ANK2: variants seen among roughly 807,000 people sequenced by gnomAD.
The protein encoded by ANK2 is ankyrin 2.
A neutral mutation model predicts 360.5 loss-of-function variants in ANK2; 83 were observed. The observed-to-expected ratio is 0.23, with a 90% CI of 0.19 to 0.28. ANK2 has a LOEUF of 0.28. Among genes scored for constraint, ANK2 ranks in the 10% least tolerant of loss-of-function variants. The pLI is 1.00. For synonymous variants in ANK2, 1,740 were observed against 1,759.5 expected (o/e 0.99, Z 0.28); for missense variants, 4,201 against 4,795.7 (o/e 0.88, Z 3.66).
the ANK2 span, among the ~76,000 whole-genome samples, chr4:112,758,776 C>T: frequency 6.6e-6 from 1 of 152,124 alleles, no homozygotes; most frequent in African/African-American, 2.4e-5. Flanking sequence ...AACGACGCCA[C>T]GGATTTGCCC....
chr4:112,730,074 T>G, the ANK2 span, among the ~76,000 whole-genome samples: 4 of 151,702 alleles, frequency 2.6e-5, no homozygotes, highest in Non-Finnish European at 4.4e-5. Flanking sequence ...GCCAATATGG[T>G]GAAACCCTGT....
intron 23 of ANK2, among the ~76,000 whole-genome samples, chr4:113,309,165 G>A (rs759389837): frequency 6.6e-6 from 1 of 152,110 alleles, no homozygotes; most frequent in African/African-American, 2.4e-5. Context: ...AACTGTCTTC[G>A]AGAGAAATTT....
chr4:113,320,955 CT>C lies in ANK2; in HGVS notation c.2900+2336del, dbSNP rs544944981. ...ATTGTGCCAGGTACTAAGAAAAAAG[CT>C]AAGTAACATCTAGCCTCTGCCTTTA... On this transcript the variant is annotated intron_variant, in intron 26 of 45. Transcript: ENST00000357077. Among the ~76,000 whole-genome samples, 152 of 152,276 alleles carry C rather than the reference CT, an allele frequency of 1.0e-3. 1 individual carries two copies. The highest frequency in any genetic ancestry group is 3.0e-3 in the African/African-American group (126 of 41,562).
chr4:113,305,682 A>G (rs550494272), intron 23 of ANK2, among the ~76,000 whole-genome samples: 1 of 152,352 alleles, frequency 6.6e-6, no homozygotes, highest in Non-Finnish European at 1.5e-5. Flanking sequence ...TGCCAATGCC[A>G]ACACTTTAAT....
chr4:112,705,841 G>T, the ANK2 span, among the ~76,000 whole-genome samples: 1 of 152,128 alleles, frequency 6.6e-6, no homozygotes, highest in East Asian at 1.9e-4. Flanking sequence ...CACGCGCCGG[G>T]CGCGGCGCTG....
At chr4:113,181,785 G>A (rs563906979) in intron 2 of ANK2, among the ~76,000 whole-genome samples, 140 of 152,288 alleles carry the variant, frequency 9.2e-4, no homozygotes, top group Admixed American at 3.5e-3. Context: ...GGGCCAGCAA[G>A]GAAGCAAGCC....
chr4:113,299,390 A>G (rs2073710887), intron 22 of ANK2, among the ~76,000 whole-genome samples: 1 of 152,202 alleles, frequency 6.6e-6, no homozygotes, highest in African/African-American at 2.4e-5. Context: ...ACATCCTTTC[A>G]CATTTTTAAA....
chr4:113,365,232 T>TG (rs59019186), intron 41 of ANK2, 50 bp downstream of exon 41: 69 of 1,368,686 alleles, frequency 5.0e-5, no homozygotes, highest in East Asian at 4.4e-4. Flanking sequence ...TGTGTGTGTG[T>TG]TGTGTCTGTG....
intron 2 of ANK2, among the ~76,000 whole-genome samples, chr4:112,935,218 C>A (rs1173609482): frequency 1.3e-5 from 2 of 151,898 alleles, no homozygotes; most frequent in African/African-American, 2.4e-5. Flanking sequence ...AGATAGGGTG[C>A]CACAGGAGGG....
chr4:113,133,706 A>G (rs1312011638), intron 1 of ANK2, among the ~76,000 whole-genome samples: 2 of 152,162 alleles, frequency 1.3e-5, no homozygotes, highest in Non-Finnish European at 2.9e-5. Flanking sequence ...TATATACTGG[A>G]CACTGTCCTA....
chr4:112,819,898 G>A (rs751574251), intron 1 of ANK2, among the ~76,000 whole-genome samples: 1 of 152,156 alleles, frequency 6.6e-6, no homozygotes, highest in Non-Finnish European at 1.5e-5. Context: ...TTCCTGATCT[G>A]GCCCTCCGTC....
At chr4:113,300,207 A>G (rs2074225585) in intron 22 of ANK2, among the ~76,000 whole-genome samples, 1 of 152,126 alleles carries the variant, frequency 6.6e-6, no homozygotes, top group African/African-American at 2.4e-5. Flanking sequence ...TCAGTGAATA[A>G]GACTCTGAAT....
rs571891909 is a variant in ANK2, at chr4:113,061,366, CT to C, written c.84+11555del. 1.5e-4 allele frequency among the ~76,000 whole-genome samples: 23 copies of C among 152,214 alleles called. 1 individual carries two copies. The South Asian group carries it at 2.3e-3, about 15-fold the overall frequency. ...CCAGTGGGAGACTAAAGCTCCTCCC[CT>C]GATTGCTTTTTCCCAGTAATAATTT... is the stretch of plus-strand genomic sequence containing the variant. On this transcript the variant is annotated intron_variant, in intron 1 of 45. Coordinates refer to ENST00000357077, the MANE Select transcript of ANK2 (RefSeq NM_001148.6).
At chr4:112,921,744 G>C (rs1286887697) in intron 2 of ANK2, among the ~76,000 whole-genome samples, 1 of 151,526 alleles carries the variant, frequency 6.6e-6, no homozygotes, top group Non-Finnish European at 1.5e-5. Flanking sequence ...TGTTATCATG[G>C]CTGCTAAGAA....
intron 4 of ANK2, chr4:113,217,071 A>G (rs2099093171): frequency 6.6e-6 from 1 of 152,110 alleles, no homozygotes; most frequent in South Asian, 2.1e-4. Flanking sequence ...TTTAATAGTG[A>G]TTCTTCCCTC....
At chr4:112,741,804 T>TA in the ANK2 span, among the ~76,000 whole-genome samples, 16 of 151,938 alleles carry the variant, frequency 1.1e-4, no homozygotes, top group Non-Finnish European at 1.9e-4. Flanking sequence ...AACATAGTGA[T>TA]ACGCCGTTTC....
upstream of ANK2, among the ~76,000 whole-genome samples, chr4:112,814,640 G>T (rs181388830): frequency 3.3e-5 from 5 of 152,032 alleles, no homozygotes; most frequent in Admixed American, 2.6e-4. Flanking sequence ...TAGGGATGGG[G>T]TTTCGCCATG....
At chr4:112,716,425 TATA>T in the ANK2 span, among the ~76,000 whole-genome samples, 1 of 152,166 alleles carries the variant, frequency 6.6e-6, no homozygotes, top group Non-Finnish European at 1.5e-5. Flanking sequence ...TCTCTAATGG[TATA>T]ATGTTAGTGT....
intron 1 of ANK2, among the ~76,000 whole-genome samples, chr4:112,890,859 G>A (rs550621389): frequency 6.6e-6 from 1 of 152,044 alleles, no homozygotes; most frequent in African/African-American, 2.4e-5. Flanking sequence ...GAGCCACTAC[G>A]CCCGGCCTGT....
Sources: gnomAD v4.1 joint callset for allele counts (sites outside exome capture counted in the v4.1 genomes callset) on GRCh38, gnomAD v4.1.1 for gene constraint, MANE v1.5 for transcripts, NCBI Gene and HGNC (gene_info 2026-07-23, HGNC 2026-07-21) for gene names.